RIMS2: variants seen among roughly 807,000 people sequenced by gnomAD.
RIMS2 encodes regulating synaptic membrane exocytosis 2.
A neutral mutation model predicts 174.4 loss-of-function variants in RIMS2; 59 were observed. The observed-to-expected ratio is 0.34, with a 90% CI of 0.27 to 0.42. The LOEUF (loss-of-function observed/expected upper bound fraction) is 0.42. RIMS2 is among the 10% of genes least tolerant of loss of function. The probability of loss-of-function intolerance (pLI) is 1.00; values close to 1 mark genes in which losing one functional copy is unlikely to be tolerated. For missense variants in RIMS2, 1,620 were observed against 1,666.3 expected, an observed-to-expected ratio of 0.97 and a Z score of 0.48; for synonymous variants, 606 against 572.5, an observed-to-expected ratio of 1.06 and a Z score of -0.84.
intron 4 of RIMS2, among the ~76,000 whole-genome samples, chr8:103,889,004 A>G (rs1594617302): frequency 6.6e-6 from 1 of 151,792 alleles, no homozygotes; most frequent in East Asian, 1.9e-4. Context: ...AATTGAATTC[A>G]GTGAGGATAA....
At chr8:103,625,969 G>T (rs2095773861) in intron 1 of RIMS2, among the ~76,000 whole-genome samples, 1 of 151,710 alleles carries the variant, frequency 6.6e-6, no homozygotes, top group South Asian at 2.1e-4. Flanking sequence ...AATAGGGTAT[G>T]AACTCCTTGA....
At chr8:104,084,850 A>G (rs1214975289) in intron 19 of RIMS2, among the ~76,000 whole-genome samples, 1 of 152,232 alleles carries the variant, frequency 6.6e-6, no homozygotes, top group African/African-American at 2.4e-5. Flanking sequence ...ATCTAGAAGC[A>G]GACTTAAAGA....
At chr8:103,683,499 T>A (rs1283983358) in intron 1 of RIMS2, among the ~76,000 whole-genome samples, 1 of 152,202 alleles carries the variant, frequency 6.6e-6, no homozygotes, top group Non-Finnish European at 1.5e-5. Context: ...CACTGGGAAT[T>A]AAGTTCAGCA....
chr8:103,725,280 T>C (rs1421996408), intron 2 of RIMS2, among the ~76,000 whole-genome samples: 2 of 152,194 alleles, frequency 1.3e-5, no homozygotes, highest in African/African-American at 2.4e-5. Flanking sequence ...TAAGTATAGT[T>C]TGACAAATTT....
At chr8:103,881,132 G>A (rs1318111336) in intron 3 of RIMS2, among the ~76,000 whole-genome samples, 1 of 151,236 alleles carries the variant, frequency 6.6e-6, no homozygotes, top group Non-Finnish European at 1.5e-5. Flanking sequence ...CATATAGGTA[G>A]TACTTAATTT....
chr8:103,998,010 C>T (rs933064236), intron 17 of RIMS2, among the ~76,000 whole-genome samples: 2 of 151,578 alleles, frequency 1.3e-5, no homozygotes, highest in Non-Finnish European at 3.0e-5. Context: ...ACCTTTGGCA[C>T]TGTCATATTA....
chr8:104,054,824 A>G (rs1303329897), intron 19 of RIMS2, among the ~76,000 whole-genome samples: 10 of 152,090 alleles, frequency 6.6e-5, no homozygotes, highest in Non-Finnish European at 1.3e-4. Flanking sequence ...CTGTTTAATC[A>G]TCTTATCTGA....
chr8:104,072,116 T>C (rs1457015721), intron 19 of RIMS2, among the ~76,000 whole-genome samples: 1 of 152,170 alleles, frequency 6.6e-6, no homozygotes, highest in Non-Finnish European at 1.5e-5. Flanking sequence ...AACAAAGCAT[T>C]TCTTGATGTG....
At chr8:104,099,773 T>C (rs2130891474) in intron 19 of RIMS2, among the ~76,000 whole-genome samples, 1 of 152,256 alleles carries the variant, frequency 6.6e-6, no homozygotes, top group South Asian at 2.1e-4. Flanking sequence ...TTTTTCTTTA[T>C]TTTTCTGCCC....
chr8:104,020,530 T>C (rs2096061491), intron 19 of RIMS2, among the ~76,000 whole-genome samples: 1 of 152,036 alleles, frequency 6.6e-6, no homozygotes, highest in Non-Finnish European at 1.5e-5. Context: ...CCTTTAATGA[T>C]TCTGATGCAA....
At chr8:104,197,443 C>G (rs2099030711) in intron 19 of RIMS2, among the ~76,000 whole-genome samples, 1 of 152,104 alleles carries the variant, frequency 6.6e-6, no homozygotes, top group Admixed American at 6.5e-5. Flanking sequence ...TCCCAAAGTT[C>G]TAGGATTATA....
intron 19 of RIMS2, among the ~76,000 whole-genome samples, chr8:104,086,426 G>A (rs961606111): frequency 6.6e-5 from 10 of 151,898 alleles, no homozygotes; most frequent in Admixed American, 3.3e-4. Context: ...TCATTGCAGC[G>A]CTGGCACTTC....
intron 19 of RIMS2, among the ~76,000 whole-genome samples, chr8:104,136,957 A>C (rs1196663177): frequency 1.3e-5 from 2 of 152,222 alleles, no homozygotes; most frequent in African/African-American, 4.8e-5. Flanking sequence ...AGTTAAAAAA[A>C]ATTCAATTGT....
chr8:103,559,676 T>G (rs117625870), intron 1 of RIMS2, among the ~76,000 whole-genome samples: 4,565 of 152,326 alleles, frequency 0.03, 102 homozygotes, highest in Non-Finnish European at 0.049. Context: ...GGACATTCAA[T>G]AGATACTTAA....
At chr8:104,035,722 C>T (rs897420558) in intron 19 of RIMS2, among the ~76,000 whole-genome samples, 6 of 151,900 alleles carry the variant, frequency 3.9e-5, no homozygotes, top group Admixed American at 2.6e-4. Flanking sequence ...AAGCAGTATT[C>T]CACATCAGTC....
intron 3 of RIMS2, among the ~76,000 whole-genome samples, chr8:103,837,048 T>C (rs1390847): frequency 0.76 from 116,092 of 152,162 alleles, 44,415 homozygotes; most frequent in East Asian, 0.88. Flanking sequence ...CTTTATAAAA[T>C]GCTTAATGCA....
Position 103,967,974 on chromosome 8 carries a change from C to T in RIMS2, c.2770+6841C>T, listed in dbSNP as rs2154547045. ...CTCCTGGGTTCAAGCAATTCTCTCA[C>T]CTCAGCCTCCTGAGTAGCTGAGACT... On this transcript the variant is annotated intron_variant, in intron 15 of 23. Coordinates refer to ENST00000504942, the Ensembl canonical transcript of RIMS2. Among the ~76,000 whole-genome samples the T allele has an allele frequency of 2.0e-5, 3 of 151,668 alleles. No homozygotes were observed. In the South Asian group the frequency reaches 6.3e-4, roughly 32 times the overall value.
chr8:104,198,948 C>A (rs1244680632), intron 19 of RIMS2, among the ~76,000 whole-genome samples: 1 of 152,186 alleles, frequency 6.6e-6, no homozygotes, highest in African/African-American at 2.4e-5. Context: ...CCCAAAGAAG[C>A]ACTTAAAGTC....
intron 2 of RIMS2, among the ~76,000 whole-genome samples, chr8:103,749,233 T>G (rs1316899901): frequency 2.0e-5 from 3 of 151,956 alleles, no homozygotes; most frequent in African/African-American, 7.3e-5. Flanking sequence ...TCCCTCAGCC[T>G]TCCGAGTAGC....
Sources: allele counts gnomAD v4.1 joint callset (sites outside exome capture counted in the v4.1 genomes callset), GRCh38; gene constraint gnomAD v4.1.1; transcripts MANE v1.5; gene names NCBI Gene and HGNC (gene_info 2026-07-23, HGNC 2026-07-21).